The following POM121 variants were observed in gnomAD, a reference collection of about 807,000 sequenced individuals.
The protein encoded by POM121 is nuclear envelope pore membrane protein POM 121.
In POM121, 32 loss-of-function variants were observed where a neutral mutation model predicts 81.3. The observed-to-expected ratio is 0.39, with a 90% CI of 0.30 to 0.53. POM121 has a LOEUF of 0.53. Ranked by LOEUF, POM121 falls within the 20% of genes least tolerant of loss-of-function variation. The pLI, the probability that POM121 is intolerant of heterozygous loss-of-function variation, is 0.66. For synonymous variants in POM121, 514 were observed against 694.2 expected (o/e 0.74, Z 4.08); for missense variants, 1,138 against 1,614.6 (o/e 0.70, Z 5.06).
In POM121 at chr7:72,946,122, G is replaced by C. The variant is rs1797672025; in HGVS notation, c.3653-15G>C. 1 of 1,611,354 alleles carries C rather than the reference G, an allele frequency of 6.2e-7. No individual in the cohort carries two copies. Among genetic ancestry groups the C allele is most frequent in the South Asian group, 1.1e-5 (1 of 90,952 alleles). Reference sequence around the variant, plus strand: ...GTAGCAGCTGCCCTGATGAGGTCTTGTTGAATCTTTCCAGGATCGGCGGCC... The same window carrying C: ...GTAGCAGCTGCCCTGATGAGGTCTTCTTGAATCTTTCCAGGATCGGCGGCC... On this transcript the variant is annotated splice_polypyrimidine_tract_variant and intron_variant, in intron 12 of 12. Coordinates refer to ENST00000434423, the MANE Select transcript of POM121 (RefSeq NM_001387691.1).
intron 1 of POM121, among the ~76,000 whole-genome samples, chr7:72,887,366 C>G (rs1275086533): frequency 6.6e-6 from 1 of 151,944 alleles, no homozygotes; most frequent in African/African-American, 2.4e-5. Flanking sequence ...TTGTAATTTC[C>G]TGCCCATTTT....
chr7:72,899,087 A>G (rs1161401412), intron 3 of POM121, among the ~76,000 whole-genome samples: 1 of 141,158 alleles, frequency 7.1e-6, no homozygotes. Flanking sequence ...AGTTCAAGCA[A>G]TTCTCTGGCC....
At chr7:72,879,965 CAGAGGGAGCG>C (rs1789965710) in intron 1 of POM121, 2 of 421,454 alleles carry the variant, frequency 4.7e-6, no homozygotes, top group Non-Finnish European at 9.3e-6. Context: ...GAGTGTGGGG[CAGAGGGAGCG>C]TCCCGATTGC....
At chr7:72,948,370 G>A (rs199764352), downstream of POM121, 90 of 1,612,856 alleles carry the variant, frequency 5.6e-5, no homozygotes, top group Non-Finnish European at 4.2e-6. Context: ...CCGAGGAAGG[G>A]ACCCAATAAC....
intron 7 of POM121, 119 bp from the exon 8 acceptor site, chr7:72,939,728 G>C: frequency 1.2e-6 from 2 of 1,607,482 alleles, no homozygotes; most frequent in African/African-American, 1.3e-5. Flanking sequence ...AACCATAGAA[G>C]ATTGAATCTT....
intron 3 of POM121, among the ~76,000 whole-genome samples, chr7:72,906,193 A>C (rs2129575920): frequency 6.6e-6 from 1 of 152,272 alleles, no homozygotes; most frequent in East Asian, 1.9e-4. Context: ...GAGGCAGAGG[A>C]GGATTTTGTC....
chr7:72,939,360 C>T lies in POM121; in HGVS notation c.1392C>T (p.Ser464=), dbSNP rs1554500265. 6.2e-7 allele frequency: 1 copy of T among 1,613,834 alleles called. No individual in the cohort carries two copies. The highest frequency in any genetic ancestry group is 2.2e-5 in the East Asian group (1 of 44,886). ...GAGAAGAGGAGCTGTGTCATCATTC[C>T]AGTTCTTCAACTCCATTGGCAGCAG... The part of the protein sequence containing the change: ...KIREEELCHH[S]SSSTPLAADR... Residue 464 remains serine (S), a synonymous_variant, in exon 7 of 13, where the codon TCC becomes TCT. Coordinates refer to ENST00000434423, the MANE Select transcript of POM121 (RefSeq NM_001387691.1).
rs1486788058 is a variant in POM121 at position 72,946,563 on chromosome 7, C to G, written c.*329C>G. On this transcript the variant is annotated 3_prime_UTR_variant, in exon 13 of 13. Transcript: ENST00000434423. Reference sequence around the variant, plus strand: ...TTAGCACACCCTTAGGCAGGCGCCCCTTCCACCTTTCCCCGAGACCGTCGT... The same window carrying G: ...TTAGCACACCCTTAGGCAGGCGCCCGTTCCACCTTTCCCCGAGACCGTCGT... The G allele has an allele frequency of 1.9e-6, 2 of 1,068,760 alleles. No homozygotes were observed. The highest frequency in any genetic ancestry group is 3.4e-5 in the African/African-American group (2 of 59,558). The allele number at this position is 1,068,760 out of a possible 1,614,324, so 66.2% of individuals were successfully genotyped here.
upstream of POM121, among the ~76,000 whole-genome samples, chr7:72,921,812 A>G (rs1160289516): frequency 9.9e-5 from 15 of 152,206 alleles, no homozygotes; most frequent in African/African-American, 3.1e-4. Context: ...GTATTTTATT[A>G]TATGAATTAT....
At chr7:72,936,721 T>C (rs1796547310) in intron 5 of POM121, among the ~76,000 whole-genome samples, 1 of 152,156 alleles carries the variant, frequency 6.6e-6, no homozygotes, top group African/African-American at 2.4e-5. Flanking sequence ...CCCTTTGGCA[T>C]TTCTGACCCT....
rs1554497633 is a variant in POM121 at position 72,926,899 on chromosome 7, G to A, written c.958G>A (p.Glu320Lys). Residue 320 changes from glutamate (E) to lysine (K), a missense_variant, in exon 3 of 13, where the codon GAG becomes AAG. Glu to Lys is a moderately conservative substitution (Grantham distance 56). Around this residue, in one of 7 missense-constraint regions of POM121, gnomAD observed 646 missense variants for 633.5 expected, o/e 1.02. Transcript: ENST00000434423. The part of the protein sequence containing the change: ...ETVLSALKEK[E>K]KKRTVEEEDQ... ...AGTACTGAGTGCCCTCAAAGAGAAGGAGAAGAAAAGGACAGTGGAGGAAGA... is the reference window on the plus strand; with the variant it reads ...AGTACTGAGTGCCCTCAAAGAGAAGAAGAAGAAAAGGACAGTGGAGGAAGA... 5 of 1,613,868 alleles carry A rather than the reference G, an allele frequency of 3.1e-6. No individual in the cohort carries two copies. The highest frequency in any genetic ancestry group is 4.2e-6 in the Non-Finnish European group (5 of 1,179,870).
chr7:72,887,756 G>A (rs1790874871), intron 1 of POM121, among the ~76,000 whole-genome samples: 1 of 152,196 alleles, frequency 6.6e-6, no homozygotes, highest in African/African-American at 2.4e-5. Context: ...GATCCCGGGA[G>A]ACAGAGGTTG....
In POM121 at chr7:72,925,101, C is replaced by T. The variant is rs1212147236; in HGVS notation, c.-21C>T. Reference sequence around the variant, plus strand: ...GGTGCACGCTGGGATATTTAAGTCTCCTCCGCGGCGCGGAGCCGCGATGTC... The same window carrying T: ...GGTGCACGCTGGGATATTTAAGTCTTCTCCGCGGCGCGGAGCCGCGATGTC... On this transcript the variant is annotated 5_prime_UTR_variant, in exon 1 of 13. Coordinates refer to ENST00000434423, the MANE Select transcript of POM121 (RefSeq NM_001387691.1). The T allele has an allele frequency of 8.6e-6, 12 of 1,397,162 alleles. No homozygotes were observed. Among genetic ancestry groups the T allele is most frequent in the African/African-American group, 7.6e-5 (5 of 65,464 alleles). The allele number at this position is 1,397,162 out of a possible 1,614,324, so 86.5% of individuals were successfully genotyped here.
At chr7:72,921,961 T>C (rs1417266436), upstream of POM121, among the ~76,000 whole-genome samples, 19 of 152,164 alleles carry the variant, frequency 1.2e-4, no homozygotes, top group African/African-American at 4.1e-4. Flanking sequence ...TTCACCCTTA[T>C]TTTTTACTAG....
downstream of POM121, chr7:72,949,143 G>A (rs782715486): frequency 7.3e-6 from 10 of 1,369,870 alleles, no homozygotes; most frequent in East Asian, 4.6e-5. Context: ...TTCACAGGCT[G>A]CCTCAGTCCT....
rs781840104 is a variant in POM121, at chr7:72,942,940, G to T, written c.2947G>T (p.Ala983Ser). The change falls in exon 11 of 13, where the codon GCC becomes TCC. Residue 983 changes from alanine to serine, a missense_variant. Physicochemically the swap from Ala to Ser is moderately conservative, Grantham distance 99 (BLOSUM62 1). Transcript: ENST00000434423. ...CGCTGAGGGGCAGCCACCGGGGGCC[G>T]CCAAGCCGGCCCTTGCCCCCAGCTT... ...GAAEGQPPGA[A>S]KPALAPSFGS... 1 of 1,603,926 alleles carries T rather than the reference G, an allele frequency of 6.2e-7. No individual in the cohort carries two copies. Among genetic ancestry groups the T allele is most frequent in the Non-Finnish European group, 8.5e-7 (1 of 1,175,682 alleles).
At chr7:72,891,252 G>A (rs1554490867) in intron 3 of POM121, 1 of 481,532 alleles carries the variant, frequency 2.1e-6, no homozygotes, top group Non-Finnish European at 3.8e-6. Flanking sequence ...ACACATACAT[G>A]AACTCTTTTG....
chr7:72,926,992 G>C (rs1481391585), intron 3 of POM121, 29 bp downstream of exon 3: 8 of 1,613,846 alleles, frequency 5.0e-6, no homozygotes, highest in Non-Finnish European at 6.8e-6. Flanking sequence ...TACTAAGCCG[G>C]TTTCGCGCTT....
chr7:72,941,191 G>T (rs1554500923), intron 10 of POM121, among the ~76,000 whole-genome samples, 198 bp downstream of exon 10: 1 of 151,092 alleles, frequency 6.6e-6, no homozygotes, highest in Admixed American at 6.6e-5. Context: ...GTGCTGCGAC[G>T]CTCAGGATCT....
Sources: allele counts gnomAD v4.1 joint callset (sites outside exome capture counted in the v4.1 genomes callset), GRCh38; gene constraint gnomAD v4.1.1; regional missense constraint gnomAD v4.1.1; transcripts MANE v1.5; gene names NCBI Gene and HGNC (gene_info 2026-07-23, HGNC 2026-07-21).